NDUFS4: variants seen among roughly 807,000 people sequenced by gnomAD.
NDUFS4 encodes the protein NADH:ubiquinone oxidoreductase subunit S4, also known as NADH dehydrogenase [ubiquinone] iron-sulfur protein 4, mitochondrial.
In NDUFS4, 28 loss-of-function variants were observed where a neutral mutation model predicts 24.3. That is an observed-to-expected ratio of 1.15 (90% CI 0.85 to 1.58). NDUFS4 has a LOEUF of 1.58. NDUFS4 is among the 40% of genes most tolerant of loss of function. The pLI, the probability that NDUFS4 is intolerant of heterozygous loss-of-function variation, is 0.00. For synonymous variants in NDUFS4, 93 were observed against 69.7 expected, an observed-to-expected ratio of 1.34 and a Z score of -1.67; for missense variants, 223 against 207.9, an observed-to-expected ratio of 1.07 and a Z score of -0.45.
chr5:53,672,877 G>A (rs141407498), intron 4 of NDUFS4, among the ~76,000 whole-genome samples: 2 of 152,178 alleles, frequency 1.3e-5, no homozygotes, highest in Non-Finnish European at 2.9e-5. Context: ...TAAGTCTGGA[G>A]TATGGCCTAA....
intron 2 of NDUFS4, among the ~76,000 whole-genome samples, chr5:53,643,550 A>T (rs1261315158): frequency 6.6e-6 from 1 of 152,122 alleles, no homozygotes; most frequent in Non-Finnish European, 1.5e-5. Flanking sequence ...TTTTAATGGA[A>T]TCTTGGAGTG....
chr5:53,623,275 A>G (rs988762849), intron 2 of NDUFS4, among the ~76,000 whole-genome samples: 1 of 151,676 alleles, frequency 6.6e-6, no homozygotes, highest in African/African-American at 2.4e-5. Context: ...CCTCACCAAC[A>G]TGTGTTATTT....
At chr5:53,587,870 C>T (rs1749813848) in intron 1 of NDUFS4, among the ~76,000 whole-genome samples, 1 of 152,154 alleles carries the variant, frequency 6.6e-6, no homozygotes, top group African/African-American at 2.4e-5. Context: ...TGACACCATG[C>T]CTGGCAATAC....
At chr5:53,617,286 T>A (rs956045301) in intron 2 of NDUFS4, among the ~76,000 whole-genome samples, 30 of 152,170 alleles carry the variant, frequency 2.0e-4, no homozygotes, top group African/African-American at 7.2e-4. Flanking sequence ...TCTTACTCTC[T>A]GCTTCTTGAA....
chr5:53,597,606 AGT>A (rs1318605027), intron 1 of NDUFS4, among the ~76,000 whole-genome samples: 1 of 152,172 alleles, frequency 6.6e-6, no homozygotes, highest in Admixed American at 6.5e-5. Flanking sequence ...CTTTTTGAAA[AGT>A]GTATTTTGAA....
chr5:53,602,339 G>T (rs1750351028), intron 1 of NDUFS4, among the ~76,000 whole-genome samples: 1 of 152,032 alleles, frequency 6.6e-6, no homozygotes, highest in African/African-American at 2.4e-5. Flanking sequence ...AGTACATTTT[G>T]TGTAGGTATA....
At chr5:53,662,646 T>G (rs10068241) in intron 4 of NDUFS4, among the ~76,000 whole-genome samples, 40,461 of 151,814 alleles carry the variant, frequency 0.27, 7,360 homozygotes, top group African/African-American at 0.51. Flanking sequence ...TGGTTGGTAA[T>G]CTATTAATTA....
chr5:53,621,640 T>A (rs999588110), intron 2 of NDUFS4, among the ~76,000 whole-genome samples: 1 of 151,866 alleles, frequency 6.6e-6, no homozygotes, highest in Non-Finnish European at 1.5e-5. Flanking sequence ...TCCTTTGTGT[T>A]AATGTTGACA....
intron 1 of NDUFS4, among the ~76,000 whole-genome samples, chr5:53,583,319 C>CT (rs1749634761): frequency 6.6e-6 from 1 of 152,076 alleles, no homozygotes; most frequent in Admixed American, 6.5e-5. Flanking sequence ...CTATTGCAAA[C>CT]TTTATCTTAC....
chr5:53,636,695 G>T (rs1459008509), intron 2 of NDUFS4, among the ~76,000 whole-genome samples: 3 of 152,204 alleles, frequency 2.0e-5, no homozygotes, highest in Non-Finnish European at 4.4e-5. Flanking sequence ...GACATTGGAG[G>T]TGGAGCCTGT....
chr5:53,651,836 G>A (rs533694857), intron 3 of NDUFS4, among the ~76,000 whole-genome samples: 55 of 148,738 alleles, frequency 3.7e-4, no homozygotes, highest in African/African-American at 1.3e-3. Flanking sequence ...TGCAGTGGGC[G>A]ATCTCGGCTC....
chr5:53,610,047 C>T (rs1750647986), intron 2 of NDUFS4, among the ~76,000 whole-genome samples: 1 of 152,142 alleles, frequency 6.6e-6, no homozygotes, highest in Admixed American at 6.5e-5. Context: ...AATAACTTTT[C>T]CTTTGCATTC....
intron 1 of NDUFS4, among the ~76,000 whole-genome samples, chr5:53,602,531 T>C (rs1363217700): frequency 6.6e-6 from 1 of 152,196 alleles, no homozygotes; most frequent in Non-Finnish European, 1.5e-5. Flanking sequence ...ATTGAACTTT[T>C]AGCACAAAAA....
chr5:53,637,901 G>T (rs928352588), intron 2 of NDUFS4, among the ~76,000 whole-genome samples: 1 of 152,096 alleles, frequency 6.6e-6, no homozygotes, highest in Non-Finnish European at 1.5e-5. Context: ...AGGCAACTTA[G>T]ACTATTGCTC....
chr5:53,619,645 C>A (rs2112476629), intron 2 of NDUFS4, among the ~76,000 whole-genome samples: 1 of 151,866 alleles, frequency 6.6e-6, no homozygotes, highest in Non-Finnish European at 1.5e-5. Context: ...AAATTAAAAT[C>A]ACCTTAATCT....
chr5:53,625,199 C>T (rs1579889496), intron 2 of NDUFS4, among the ~76,000 whole-genome samples: 1 of 152,098 alleles, frequency 6.6e-6, no homozygotes, highest in East Asian at 1.9e-4. Context: ...CTGCCTGCCT[C>T]AGTCTCCCAA....
At chr5:53,681,881 A>G (rs908685487) in intron 4 of NDUFS4, among the ~76,000 whole-genome samples, 1 of 152,132 alleles carries the variant, frequency 6.6e-6, no homozygotes, top group African/African-American at 2.4e-5. Context: ...GTTGAGTTCC[A>G]TAGGCTTAAC....
intron 4 of NDUFS4, among the ~76,000 whole-genome samples, chr5:53,682,657 G>A (rs1019185814): frequency 6.6e-6 from 1 of 151,954 alleles, no homozygotes; most frequent in Non-Finnish European, 1.5e-5. Flanking sequence ...CCATACACAC[G>A]TACATATATA....
chr5:53,636,403 A>G (rs1751552068), intron 2 of NDUFS4, among the ~76,000 whole-genome samples: 1 of 152,222 alleles, frequency 6.6e-6, no homozygotes, highest in East Asian at 1.9e-4. Flanking sequence ...TGGAAACATT[A>G]GTTTGGAGAG....
Sources: gnomAD v4.1 joint callset for allele counts (sites outside exome capture counted in the v4.1 genomes callset) on GRCh38, gnomAD v4.1.1 for gene constraint, MANE v1.5 for transcripts, NCBI Gene and HGNC (gene_info 2026-07-23, HGNC 2026-07-21) for gene names.